BMS1: variants seen among roughly 807,000 people sequenced by gnomAD.
BMS1 encodes ribosome biogenesis protein BMS1 homolog.
Under a neutral mutation model 138.7 loss-of-function variants are expected in BMS1, and 53 were observed. That is an observed-to-expected ratio of 0.38 (90% CI 0.31 to 0.48). BMS1 has a LOEUF of 0.48. BMS1 is among the 20% of genes least tolerant of loss of function. BMS1 has a pLI of 0.97. For missense variants in BMS1, 1,360 were observed against 1,565.5 expected (o/e 0.87, Z 2.22); for synonymous variants, 504 against 539.9 (o/e 0.93, Z 0.92).
chr10:42,834,461 A>G lies in BMS1; in HGVS notation c.*3365A>G, dbSNP rs1236347084. 1 of 151,888 alleles carries G rather than the reference A, an allele frequency of 6.6e-6. No individual in the cohort carries two copies. Among genetic ancestry groups the G allele is most frequent in the Admixed American group, 6.6e-5 (1 of 15,214 alleles). 9.4% of individuals were successfully genotyped at this position (151,888 alleles called of 1,614,324 possible). A position where few individuals can be genotyped will look rare whatever the true frequency, so the allele number is the denominator to read the frequency against. ...TAGTATCTAGTATTTTGCCAGACTC[A>G]GGTATTTCTTAAAGCCATTATTCAG... On this transcript the variant is annotated 3_prime_UTR_variant, in exon 23 of 23. Coordinates refer to ENST00000374518, the MANE Select transcript of BMS1 (RefSeq NM_014753.4).
chr10:42,812,399 C>CA (rs1424684934), intron 13 of BMS1, among the ~76,000 whole-genome samples: 2 of 152,222 alleles, frequency 1.3e-5, no homozygotes, highest in East Asian at 1.9e-4. Flanking sequence ...CTTTGCCTCC[C>CA]AGAGTGCTGG....
intron 12 of BMS1, among the ~76,000 whole-genome samples, chr10:42,800,789 A>G (rs1041934772): frequency 1.3e-5 from 2 of 152,092 alleles, no homozygotes; most frequent in African/African-American, 4.8e-5. Flanking sequence ...GGCCTCCCAA[A>G]GTGCTGGGAT....
Position 42,832,048 on chromosome 10 carries a change from A to G in BMS1, c.*952A>G, listed in dbSNP as rs1161062316. ...TATAACAATCAGGATGTTGACATCA[A>G]TACAGCCCGCTGATTTTATTCACAT... On this transcript the variant is annotated 3_prime_UTR_variant, in exon 23 of 23. Coordinates refer to ENST00000374518, the MANE Select transcript of BMS1 (RefSeq NM_014753.4). 6.6e-6 allele frequency: 1 copy of G among 152,212 alleles called. No individual in the cohort carries two copies. The highest frequency in any genetic ancestry group is 1.5e-5 in the Non-Finnish European group (1 of 68,052). The allele number at this position is 152,212 out of a possible 1,614,324, so 9.4% of individuals were successfully genotyped here.
At chr10:42,809,202 G>A (rs569271995) in intron 13 of BMS1, among the ~76,000 whole-genome samples, 2 of 152,054 alleles carry the variant, frequency 1.3e-5, no homozygotes, top group Admixed American at 1.3e-4. Flanking sequence ...TACCAGTTGG[G>A]AATATGTTTT....
chr10:42,815,715 T>C (rs1842330135), intron 13 of BMS1, among the ~76,000 whole-genome samples: 1 of 152,214 alleles, frequency 6.6e-6, no homozygotes, highest in Admixed American at 6.5e-5. Flanking sequence ...ACTTGTCTGT[T>C]TCTTTTAAGA....
Position 42,797,594 on chromosome 10 carries a change from A to C in BMS1, c.2089+71A>C, listed in dbSNP as rs1841731341. On this transcript the variant is annotated intron_variant, in intron 11 of 22. Transcript: ENST00000374518. ...TTATTTAGATGAGGGAATTGGTTGG[A>C]GGATTCGGCTGGTATTGTTGACATC... The C allele has an allele frequency of 6.1e-6, 9 of 1,466,704 alleles. No individual in the cohort carries two copies. The Admixed American group carries it at 1.4e-4, about 23-fold the overall frequency. 90.9% of individuals were successfully genotyped at this position (1,466,704 alleles called of 1,614,324 possible).
chr10:42,796,838 G>A lies in BMS1; in HGVS notation c.1594G>A (p.Ala532Thr), dbSNP rs1038034005. Residue 532 changes from alanine to threonine, a missense_variant, in exon 10 of 23, where the codon GCA (alanine) becomes ACA (threonine). Coordinates refer to ENST00000374518, the MANE Select transcript of BMS1 (RefSeq NM_014753.4). ...AAGCAGTGAAGAAGAGGACTGCACT[G>A]CAGGAGAGAAGGGCATTTCAGGATC... ...DESSEEEDCT[A>T]GEKGISGSKA... 6.3e-5 allele frequency: 101 copies of A among 1,614,148 alleles called. No individual in the cohort carries two copies. The highest frequency in any genetic ancestry group is 8.2e-5 in the Non-Finnish European group (97 of 1,180,056).
rs566503225 is a variant in BMS1 at position 42,828,775 on chromosome 10, TC to T, written c.3457-1485del. ...TTCAGTTTTGTAATAAGAGGGTTGT[TC>T]AAGGCATCAGTCTGCCACTCTGCTA... is the stretch of plus-strand genomic sequence containing the variant. On this transcript the variant is annotated intron_variant, in intron 21 of 22. Coordinates refer to ENST00000374518, the MANE Select transcript of BMS1 (RefSeq NM_014753.4). Among the ~76,000 whole-genome samples the T allele has an allele frequency of 2.2e-4, 33 of 152,304 alleles. No individual in the cohort carries two copies. The South Asian group carries it at 6.4e-3, about 30-fold the overall frequency.
At position 42,831,206 on chromosome 10, in the gene BMS1, T is replaced by G. The variant is rs546445947; in HGVS notation, c.*110T>G. Reference sequence around the variant, plus strand: ...TCAGTGGGAAAGAGCTCAAGAGATGTCTCTACTCAAACTGTGCCTGCAGGA... The same window carrying G: ...TCAGTGGGAAAGAGCTCAAGAGATGGCTCTACTCAAACTGTGCCTGCAGGA... On this transcript the variant is annotated 3_prime_UTR_variant, in exon 23 of 23. Coordinates refer to ENST00000374518, the MANE Select transcript of BMS1 (RefSeq NM_014753.4). 3 of 1,156,388 alleles carry G rather than the reference T, an allele frequency of 2.6e-6. No individual in the cohort carries two copies. The highest frequency in any genetic ancestry group is 2.4e-6 in the Non-Finnish European group (2 of 827,502). The allele number at this position is 1,156,388 out of a possible 1,614,324, so 71.6% of individuals were successfully genotyped here.
At chr10:42,819,883 C>T (rs1415272614) in intron 15 of BMS1, among the ~76,000 whole-genome samples, 1 of 152,108 alleles carries the variant, frequency 6.6e-6, no homozygotes, top group African/African-American at 2.4e-5. Context: ...CCTCCGTCTC[C>T]CGGGTTCAAG....
At chr10:42,805,673 T>C (rs1026900824) in intron 13 of BMS1, among the ~76,000 whole-genome samples, 1 of 152,238 alleles carries the variant, frequency 6.6e-6, no homozygotes, top group Non-Finnish European at 1.5e-5. Flanking sequence ...GTTTTCAGGA[T>C]ACAGGTCTTA....
intron 21 of BMS1, among the ~76,000 whole-genome samples, chr10:42,824,654 G>T (rs1842589632): frequency 6.6e-6 from 1 of 152,106 alleles, no homozygotes; most frequent in Admixed American, 6.5e-5. Flanking sequence ...ATTTTGAGTT[G>T]ATTTTTGTGT....
rs555167504 is a variant in BMS1 at position 42,800,601 on chromosome 10, A to G, written c.2248-1536A>G. On this transcript the variant is annotated intron_variant, in intron 12 of 22. Transcript: ENST00000374518. ...GAGTGCAGTGGCACAATCTCAGCTC[A>G]CTGCAAGCTCTGCCTCCCGGGTTCA... Among the ~76,000 whole-genome samples the G allele has an allele frequency of 6.2e-5, 9 of 145,170 alleles. No individual in the cohort carries two copies. In the South Asian group the frequency reaches 1.9e-3, roughly 31 times the overall value.
intron 11 of BMS1, 129 bp downstream of exon 11, chr10:42,797,652 C>T: frequency 1.2e-6 from 1 of 852,084 alleles, no homozygotes; most frequent in Non-Finnish European, 1.8e-6. Flanking sequence ...TCATATTTGA[C>T]AGATGTCTCT....
chr10:42,833,791 A>G lies in BMS1; in HGVS notation c.*2695A>G, dbSNP rs901868201. ...GTGTGTAAATTACTTTTCAATACTA[A>G]TGGCTTATTAATTTGATATTGTCAG... is the stretch of plus-strand genomic sequence containing the variant. On this transcript the variant is annotated 3_prime_UTR_variant, in exon 23 of 23. Coordinates refer to ENST00000374518, the MANE Select transcript of BMS1 (RefSeq NM_014753.4). The G allele has an allele frequency of 2.6e-5, 4 of 152,208 alleles. No homozygotes were observed. The highest frequency in any genetic ancestry group is 4.4e-5 in the Non-Finnish European group (3 of 68,044). 9.4% of individuals were successfully genotyped at this position (152,208 alleles called of 1,614,324 possible).
intron 13 of BMS1, among the ~76,000 whole-genome samples, chr10:42,805,612 A>G (rs182410869): frequency 6.6e-6 from 1 of 152,326 alleles, no homozygotes; most frequent in East Asian, 1.9e-4. Context: ...TTTCTGATCT[A>G]TGAACATAGT....
chr10:42,783,249 T>G (rs1841213341), intron 1 of BMS1, among the ~76,000 whole-genome samples: 1 of 152,200 alleles, frequency 6.6e-6, no homozygotes, highest in African/African-American at 2.4e-5. Flanking sequence ...AAAGCGTTCC[T>G]AGCGCCCAGC....
In BMS1 at chr10:42,820,498, G is replaced by A. The variant is rs2419107; in HGVS notation, c.2770-10G>A. 38 of 1,610,794 alleles carry A rather than the reference G, an allele frequency of 2.4e-5. No individual in the cohort carries two copies. The highest frequency in any genetic ancestry group is 1.8e-4 in the East Asian group (8 of 44,864). The stretch of plus-strand genomic sequence containing the variant: ...CCTCCATCAATCATCTTACCCTCTC[G>A]TCCCCTCAGATGCGTCTGAAGAAAC... On this transcript the variant is annotated splice_polypyrimidine_tract_variant and intron_variant, in intron 16 of 22. Transcript: ENST00000374518.
intron 13 of BMS1, among the ~76,000 whole-genome samples, chr10:42,802,758 T>C (rs1841908602): frequency 6.6e-6 from 1 of 150,958 alleles, no homozygotes. Flanking sequence ...TTCAAATATT[T>C]CATTTTTATT....
Sources: allele counts gnomAD v4.1 joint callset (sites outside exome capture counted in the v4.1 genomes callset), GRCh38; gene constraint gnomAD v4.1.1; transcripts MANE v1.5; gene names NCBI Gene and HGNC (gene_info 2026-07-23, HGNC 2026-07-21).